ARMC8: variants seen among roughly 807,000 people sequenced by gnomAD.
ARMC8 encodes armadillo repeat containing 8, also known as armadillo repeat-containing protein 8.
A neutral mutation model predicts 99.3 loss-of-function variants in ARMC8; 20 were observed. The observed-to-expected ratio is 0.20, with a 90% CI of 0.14 to 0.29. The LOEUF (loss-of-function observed/expected upper bound fraction) is 0.29, where lower values mean the gene tolerates loss of function less well. Among genes scored for constraint, ARMC8 ranks in the 10% least tolerant of loss-of-function variants. The probability of loss-of-function intolerance (pLI) is 1.00; values close to 1 mark genes in which losing one functional copy is unlikely to be tolerated. For missense variants in ARMC8, 569 were observed against 809.5 expected (o/e 0.70, Z 3.60); for synonymous variants, 263 against 278.3 (o/e 0.95, Z 0.55).
At position 138,241,732 on chromosome 3, in the gene ARMC8, T is replaced by G. The variant is rs767959495; in HGVS notation, c.838-51T>G. On this transcript the variant is annotated intron_variant, in intron 10 of 21. Transcript: ENST00000469044. ...TGAGTTGATTCAGTCACTATATGCTTAAGCTTTTACCTTTACCAAAAAGCA... is the reference window on the plus strand; with the variant it reads ...TGAGTTGATTCAGTCACTATATGCTGAAGCTTTTACCTTTACCAAAAAGCA... 6 of 1,529,810 alleles carry G rather than the reference T, an allele frequency of 3.9e-6. No individual in the cohort carries two copies. In the East Asian group the frequency reaches 1.4e-4, roughly 34 times the overall value. The allele number at this position is 1,529,810 out of a possible 1,614,324, so 94.8% of individuals were successfully genotyped here. A position where few individuals can be genotyped will look rare whatever the true frequency, so the allele number is the denominator to read the frequency against.
At chr3:138,281,538 G>T (rs2049929997) in intron 18 of ARMC8, among the ~76,000 whole-genome samples, 1 of 152,010 alleles carries the variant, frequency 6.6e-6, no homozygotes, top group Admixed American at 6.6e-5. Context: ...TAATCCACCC[G>T]CTTTGGTCTC....
At chr3:138,192,915 G>C (rs996246866) in intron 1 of ARMC8, among the ~76,000 whole-genome samples, 6 of 152,130 alleles carry the variant, frequency 3.9e-5, no homozygotes, top group Middle Eastern at 3.4e-3. Context: ...CTTTCTAATT[G>C]GAGTGTTTGC....
At position 138,294,038 on chromosome 3, in the gene ARMC8, G is replaced by A. The variant is rs538437185; in HGVS notation, c.1989-1821G>A. On this transcript the variant is annotated intron_variant, in intron 21 of 21. Coordinates refer to ENST00000469044, the MANE Select transcript of ARMC8 (RefSeq NM_001363941.2). ...TAAAAAGACTCCTTAGATAATGACAGTAGAAAGACAATAAAGGTACAGTCT... is the reference window on the plus strand; with the variant it reads ...TAAAAAGACTCCTTAGATAATGACAATAGAAAGACAATAAAGGTACAGTCT... Among the ~76,000 whole-genome samples, 29 of 152,252 alleles carry A rather than the reference G, an allele frequency of 1.9e-4. 1 individual carries two copies. The South Asian group carries it at 5.6e-3, about 29-fold the overall frequency.
Position 138,237,554 on chromosome 3 carries a change from A to G in ARMC8, c.758A>G (p.Gln253Arg), listed in dbSNP as rs1246324622. 10 of 1,612,880 alleles carry G rather than the reference A, an allele frequency of 6.2e-6. No homozygotes were observed. Among genetic ancestry groups the G allele is most frequent in the Non-Finnish European group, 8.5e-6 (10 of 1,179,774 alleles). The change falls in exon 9 of 22, where the codon CAG becomes CGG. Residue 253 changes from glutamine to arginine, a missense_variant. By Grantham distance (43) the Gln-to-Arg change is conservative (BLOSUM62 1). This residue lies in a region of ARMC8 where 342 missense variants were observed against 391.6 expected (regional missense o/e 0.87). Coordinates refer to ENST00000469044, the MANE Select transcript of ARMC8 (RefSeq NM_001363941.2). ...MLQRDKPIEM[Q>R]LTSAKCLTYM... ...CAGAGGGATAAGCCTATTGAGATGCAGCTCACATCAGCAAAATGGTAAAAG... is the reference window on the plus strand; with the variant it reads ...CAGAGGGATAAGCCTATTGAGATGCGGCTCACATCAGCAAAATGGTAAAAG...
At chr3:138,253,481 C>A (rs2108222354) in intron 12 of ARMC8, among the ~76,000 whole-genome samples, 1 of 152,220 alleles carries the variant, frequency 6.6e-6, no homozygotes, top group Admixed American at 6.5e-5. Context: ...TTTATACATG[C>A]TAAGTTAAAT....
At position 138,237,363 on chromosome 3, in the gene ARMC8, G is replaced by T; in HGVS notation, c.664G>T (p.Val222Leu). The T allele has an allele frequency of 1.2e-6, 2 of 1,613,660 alleles. No individual in the cohort carries two copies. The highest frequency in any genetic ancestry group is 2.2e-5 in the South Asian group (2 of 90,964). Residue 222 changes from valine (V) to leucine (L), a missense_variant, in exon 8 of 22, where the codon GTA becomes TTA. Val to Leu is a conservative substitution (Grantham distance 32, BLOSUM62 1). Coordinates refer to ENST00000469044, the MANE Select transcript of ARMC8 (RefSeq NM_001363941.2). ...FSVLAFENPQVSMTLVNVLVD... is the reference protein window; with the variant it reads ...FSVLAFENPQLSMTLVNVLVD... ...AGTTTTAGCTTTTGAAAACCCCCAGGTATCGATGACCCTGGTAAATGGTAG... is the reference window on the plus strand; with the variant it reads ...AGTTTTAGCTTTTGAAAACCCCCAGTTATCGATGACCCTGGTAAATGGTAG...
chr3:138,231,961 CTTTTTTTT>C (rs61298993), intron 6 of ARMC8, among the ~76,000 whole-genome samples: 12 of 58,636 alleles, frequency 2.0e-4, no homozygotes, highest in African/African-American at 4.9e-4. Flanking sequence ...CTTGCAATTG[CTTTTTTTT>C]TTTTTTTTTT....
At chr3:138,199,048 A>G (rs1326666180) in intron 1 of ARMC8, among the ~76,000 whole-genome samples, 1 of 152,164 alleles carries the variant, frequency 6.6e-6, no homozygotes, top group Non-Finnish European at 1.5e-5. Context: ...AGTATGTTAC[A>G]TTCTACACTG....
chr3:138,229,378 G>C (rs1425079971), intron 6 of ARMC8, among the ~76,000 whole-genome samples: 3 of 144,092 alleles, frequency 2.1e-5, no homozygotes, highest in African/African-American at 7.7e-5. Flanking sequence ...TTAGTGTGTA[G>C]ATTTATTTGT....
At chr3:138,263,459 C>G (rs1004789426) in intron 12 of ARMC8, 3 of 407,056 alleles carry the variant, frequency 7.4e-6, no homozygotes, top group Non-Finnish European at 1.4e-5. Context: ...AACACCTCTG[C>G]AGTACTTATA....
intron 1 of ARMC8, among the ~76,000 whole-genome samples, chr3:138,197,578 T>C (rs1324571073): frequency 1.3e-5 from 2 of 152,220 alleles, no homozygotes; most frequent in African/African-American, 2.4e-5. Context: ...CTAGTGGACT[T>C]CTTGGGTCAT....
intron 2 of ARMC8, among the ~76,000 whole-genome samples, chr3:138,210,126 C>T (rs2044610453): frequency 6.6e-6 from 1 of 152,090 alleles, no homozygotes; most frequent in Admixed American, 6.6e-5. Flanking sequence ...ACTTGTTTCA[C>T]ATTAAAAAAA....
intron 2 of ARMC8, among the ~76,000 whole-genome samples, chr3:138,221,075 C>T (rs565435622): frequency 1.3e-5 from 2 of 152,170 alleles, no homozygotes; most frequent in African/African-American, 4.8e-5. Context: ...TTTGAACCAA[C>T]CACAAATTTG....
In ARMC8 at chr3:138,252,078, T is replaced by A. The variant is rs138265846; in HGVS notation, c.1134+6895T>A. On this transcript the variant is annotated intron_variant, in intron 12 of 21. Transcript: ENST00000469044. Reference sequence around the variant, plus strand: ...TGATAAGAATCAGGGATTGTTGCTATGCTCTTTCCTATGAATAAAGTGCTA... The same window carrying A: ...TGATAAGAATCAGGGATTGTTGCTAAGCTCTTTCCTATGAATAAAGTGCTA... 7.5e-4 allele frequency among the ~76,000 whole-genome samples: 114 copies of A among 152,356 alleles called. 1 individual carries two copies. Among genetic ancestry groups the A allele is most frequent in the African/African-American group, 2.5e-3 (103 of 41,588 alleles).
chr3:138,280,505 T>C (rs901317872), intron 18 of ARMC8, among the ~76,000 whole-genome samples: 6 of 144,276 alleles, frequency 4.2e-5, no homozygotes, highest in African/African-American at 1.5e-4. Flanking sequence ...TTCTTTTTTT[T>C]TTTTTTGAGA....
At chr3:138,201,617 A>G in intron 1 of ARMC8, among the ~76,000 whole-genome samples, 1 of 151,452 alleles carries the variant, frequency 6.6e-6, no homozygotes, top group East Asian at 2.0e-4. Context: ...ACACGCCACC[A>G]CACCCGGCTA....
At chr3:138,287,770 T>G (rs1187670764) in intron 19 of ARMC8, 1 of 444,588 alleles carries the variant, frequency 2.2e-6, no homozygotes, top group Non-Finnish European at 4.6e-6. Context: ...CATGAGAAGA[T>G]AAGTCTGTCT....
intron 1 of ARMC8, 67 bp from the exon 2 acceptor site, chr3:138,209,750 T>C: frequency 7.9e-7 from 1 of 1,268,282 alleles, no homozygotes; most frequent in Non-Finnish European, 1.2e-6. Context: ...CTTGATATTG[T>C]GGGTGATGCT....
chr3:138,205,697 G>T (rs1369432645), intron 1 of ARMC8, among the ~76,000 whole-genome samples: 1 of 152,132 alleles, frequency 6.6e-6, no homozygotes, highest in Non-Finnish European at 1.5e-5. Flanking sequence ...CAGCACTCTG[G>T]GAGGCTGAGG....
Sources: gnomAD v4.1 joint callset for allele counts (sites outside exome capture counted in the v4.1 genomes callset) on GRCh38, gnomAD v4.1.1 for gene constraint, gnomAD v4.1.1 regional missense constraint, MANE v1.5 for transcripts, NCBI Gene and HGNC (gene_info 2026-07-23, HGNC 2026-07-21) for gene names.